TP63: variants seen among roughly 807,000 people sequenced by gnomAD.
TP63 encodes the protein tumor protein p63.
Under a neutral mutation model 82.8 loss-of-function variants are expected in TP63, and 17 were observed. The ratio of observed to expected loss-of-function variants is 0.21; its 90% confidence interval spans 0.14 to 0.31. The LOEUF (loss-of-function observed/expected upper bound fraction) is 0.31. Ranked by LOEUF, TP63 falls within the 10% of genes least tolerant of loss-of-function variation. TP63 has a pLI of 1.00. For missense variants in TP63, 648 were observed against 895.3 expected, an observed-to-expected ratio of 0.72 and a Z score of 3.52; for synonymous variants, 330 against 321.7, an observed-to-expected ratio of 1.03 and a Z score of -0.28.
intron 1 of TP63, among the ~76,000 whole-genome samples, chr3:189,721,841 C>T (rs1719418136): frequency 6.6e-6 from 1 of 152,156 alleles, no homozygotes; most frequent in Non-Finnish European, 1.5e-5. Context: ...AATATTCCAG[C>T]TCAGATTTAA....
chr3:189,623,794 C>T, the TP63 span, among the ~76,000 whole-genome samples: 1 of 152,132 alleles, frequency 6.6e-6, no homozygotes, highest in Non-Finnish European at 1.5e-5. Context: ...CAACCAAATG[C>T]ATTATAATCA....
chr3:189,840,296 A>G (rs1005244865), intron 4 of TP63, among the ~76,000 whole-genome samples: 2 of 146,570 alleles, frequency 1.4e-5, no homozygotes, highest in African/African-American at 2.5e-5. Context: ...TATTGCTCCA[A>G]TTGGAGGATG....
chr3:189,713,703 T>C (rs1391716081), intron 1 of TP63, among the ~76,000 whole-genome samples: 1 of 152,118 alleles, frequency 6.6e-6, no homozygotes, highest in East Asian at 1.9e-4. Context: ...TTTTAACTTA[T>C]AACATTATAT....
the TP63 span, among the ~76,000 whole-genome samples, chr3:189,608,055 G>A: frequency 3.3e-5 from 5 of 152,168 alleles, no homozygotes; most frequent in East Asian, 9.6e-4. Flanking sequence ...CTAATTCATA[G>A]GTTATAAGTT....
the TP63 span, among the ~76,000 whole-genome samples, chr3:189,605,188 G>A: frequency 1.3e-5 from 2 of 152,170 alleles, no homozygotes; most frequent in African/African-American, 4.8e-5. Context: ...TGCCTGCCTT[G>A]TCTACTGAAA....
chr3:189,665,136 C>T (rs1397139762), intron 1 of TP63, among the ~76,000 whole-genome samples: 1 of 152,104 alleles, frequency 6.6e-6, no homozygotes, highest in African/African-American at 2.4e-5. Flanking sequence ...CATGGTAAAA[C>T]GACTCCTTAT....
intron 1 of TP63, among the ~76,000 whole-genome samples, chr3:189,683,431 G>T (rs1716148986): frequency 6.6e-6 from 1 of 152,176 alleles, no homozygotes; most frequent in South Asian, 2.1e-4. Flanking sequence ...TCTACATAAT[G>T]TTTTGATAAT....
At position 189,889,428 on chromosome 3, in the gene TP63, A is replaced by G. The variant is rs376238543; in HGVS notation, c.1596A>G (p.Pro532=). ...CACTCCCTCCCCCACTCTCCATGCC[A>G]TCCACCTCCCACTGCACACCCCCAC... The part of the protein sequence containing the change: ...TQALPPPLSM[P]STSHCTPPPP... Residue 532 remains proline (P), a synonymous_variant, in exon 12 of 14, where the codon CCA becomes CCG. Transcript: ENST00000264731. The G allele has an allele frequency of 2.3e-5, 37 of 1,613,476 alleles. No homozygotes were observed. Among genetic ancestry groups the G allele is most frequent in the Middle Eastern group, 1.6e-4 (1 of 6,084 alleles).
intron 3 of TP63, among the ~76,000 whole-genome samples, chr3:189,793,493 G>A (rs575890362): frequency 6.6e-6 from 1 of 152,006 alleles, no homozygotes; most frequent in Non-Finnish European, 1.5e-5. Context: ...TGCTATAAAG[G>A]GAGTATATAT....
In TP63 at chr3:189,638,808, C is replaced by T. The variant is rs962890050; in HGVS notation, c.62+7231C>T. ...TGCCTCTCTCTGAGAAATTGGGAGC[C>T]AAGGGAATGAATGCAAGTTCAGCAT... On this transcript the variant is annotated intron_variant, in intron 1 of 13. Transcript: ENST00000264731. 3.9e-5 allele frequency among the ~76,000 whole-genome samples: 6 copies of T among 152,150 alleles called. No homozygotes were observed. In the East Asian group the frequency reaches 7.7e-4, roughly 20 times the overall value.
At chr3:189,850,643 G>C (rs1239593589) in intron 4 of TP63, among the ~76,000 whole-genome samples, 3 of 151,932 alleles carry the variant, frequency 2.0e-5, no homozygotes, top group Non-Finnish European at 4.4e-5. Context: ...CGAGTTAATG[G>C]GTGCAGCACA....
Position 189,792,313 on chromosome 3 carries a change from C to T in TP63, c.325-15959C>T, listed in dbSNP as rs148858577. 6.5e-3 allele frequency among the ~76,000 whole-genome samples: 991 copies of T among 152,130 alleles called. 21 individuals are homozygous for T. The highest frequency in any genetic ancestry group is 5.0e-3 in the Non-Finnish European group (338 of 67,974). ...GCAAGCTCCACTCCCCAGTGCCAGA[C>T]TAGGAAAGACAGAGCCTCTGGGAAT... On this transcript the variant is annotated intron_variant, in intron 3 of 13. Coordinates refer to ENST00000264731, the MANE Select transcript of TP63 (RefSeq NM_003722.5).
chr3:189,759,592 A>T lies in TP63; in HGVS notation c.324+20818A>T, dbSNP rs80301149. ...GTATACATTAGTATGATCTGGAAAA[A>T]TGGGACAAATTGAAGCTAAGGGCTC... On this transcript the variant is annotated intron_variant, in intron 3 of 13. Transcript: ENST00000264731. Among the ~76,000 whole-genome samples the T allele has an allele frequency of 3.5e-3, 531 of 152,302 alleles. 2 individuals are homozygous for T. Among genetic ancestry groups the T allele is most frequent in the Non-Finnish European group, 5.9e-3 (403 of 68,026 alleles).
chr3:189,694,982 T>A (rs1717256277), intron 1 of TP63, among the ~76,000 whole-genome samples: 1 of 151,538 alleles, frequency 6.6e-6, no homozygotes, highest in South Asian at 2.1e-4. Context: ...AGTTTTGTAT[T>A]TTTAGTAGAG....
chr3:189,691,858 A>C (rs191783882), intron 1 of TP63, among the ~76,000 whole-genome samples: 1 of 152,224 alleles, frequency 6.6e-6, no homozygotes, highest in Non-Finnish European at 1.5e-5. Flanking sequence ...AGTGACTAAT[A>C]GAAACATAGA....
At chr3:189,766,184 C>A (rs1169907172) in intron 3 of TP63, among the ~76,000 whole-genome samples, 1 of 152,116 alleles carries the variant, frequency 6.6e-6, no homozygotes, top group Non-Finnish European at 1.5e-5. Context: ...GCCAACATAG[C>A]AAGACCTCAT....
intron 5 of TP63, among the ~76,000 whole-genome samples, chr3:189,865,316 TGAAGGCC>T (rs1177547357): frequency 2.6e-5 from 4 of 152,170 alleles, no homozygotes; most frequent in African/African-American, 9.6e-5. Flanking sequence ...TGAGGTATCA[TGAAGGCC>T]ACCTTTAGAC....
intron 5 of TP63, among the ~76,000 whole-genome samples, chr3:189,865,854 A>G (rs912097732): frequency 6.6e-6 from 1 of 152,172 alleles, no homozygotes; most frequent in African/African-American, 2.4e-5. Flanking sequence ...ATAACATACT[A>G]TTTGTAAGCG....
intron 5 of TP63, among the ~76,000 whole-genome samples, chr3:189,865,988 T>C (rs9851053): frequency 0.032 from 4,875 of 152,314 alleles, 256 homozygotes; most frequent in African/African-American, 0.11. Context: ...ACTGGGACTA[T>C]AGGACCTAAG....
Sources: gnomAD v4.1 joint callset for allele counts (sites outside exome capture counted in the v4.1 genomes callset) on GRCh38, gnomAD v4.1.1 for gene constraint, MANE v1.5 for transcripts, NCBI Gene and HGNC (gene_info 2026-07-23, HGNC 2026-07-21) for gene names.